Variants in KIF13B observed in about 807,000 individuals in gnomAD.
KIF13B encodes the protein kinesin family member 13B.
Under a neutral mutation model 222.0 loss-of-function variants are expected in KIF13B, and 127 were observed. That is an observed-to-expected ratio of 0.57 (90% CI 0.50 to 0.66). The LOEUF is 0.66. KIF13B is among the 30% of genes least tolerant of loss of function. The pLI, the probability that KIF13B is intolerant of heterozygous loss-of-function variation, is 0.00. For synonymous variants in KIF13B, 976 were observed against 919.0 expected (o/e 1.06, Z -1.12); for missense variants, 2,173 against 2,379.0 (o/e 0.91, Z 1.80).
chr8:29,167,184 A>T (rs1243394382), intron 11 of KIF13B, among the ~76,000 whole-genome samples, 189 bp downstream of exon 11: 1 of 152,200 alleles, frequency 6.6e-6, no homozygotes, highest in Non-Finnish European at 1.5e-5. Context: ...TAACATCTGT[A>T]AAACCTCTTT....
chr8:29,165,638 G>T, intron 12 of KIF13B, 24 bp downstream of exon 12: 2 of 1,468,854 alleles, frequency 1.4e-6, no homozygotes, highest in Non-Finnish European at 1.9e-6. Context: ...GGTTTCATGC[G>T]CTTCATCATC....
chr8:29,140,854 G>C (rs1163692747), intron 19 of KIF13B: 1 of 392,940 alleles, frequency 2.5e-6, no homozygotes, highest in Non-Finnish European at 4.5e-6. Flanking sequence ...ACCCATGACA[G>C]AGCGATCCCA....
intron 7 of KIF13B, among the ~76,000 whole-genome samples, chr8:29,181,564 A>G (rs1300456729): frequency 6.6e-6 from 1 of 152,248 alleles, no homozygotes; most frequent in Non-Finnish European, 1.5e-5. Flanking sequence ...AAAATTCACC[A>G]TGATACATAA....
rs1449409451 is a variant in KIF13B, at chr8:29,160,567, GA to G, written c.1404+165del. On this transcript the variant is annotated intron_variant, in intron 13 of 39. Coordinates refer to ENST00000524189, the MANE Select transcript of KIF13B (RefSeq NM_015254.4). ...TATCATTTTTTTATATTGTCAGGTT[GA>G]ATGGCATCAAAGACTAAAAAAGAAA... 2.5e-3 allele frequency among the ~76,000 whole-genome samples: 385 copies of G among 152,242 alleles called. 5 individuals carry two copies. The highest frequency in any genetic ancestry group is 8.8e-3 in the African/African-American group (366 of 41,528).
chr8:29,101,869 C>T (rs925713213), intron 35 of KIF13B, among the ~76,000 whole-genome samples: 10 of 152,140 alleles, frequency 6.6e-5, no homozygotes, highest in Admixed American at 4.6e-4. Flanking sequence ...CTCCAGCTGA[C>T]GCCTACGAAT....
rs147822773 is a variant in KIF13B, at chr8:29,122,662, C to A, written c.3480-16G>T. ...TACTGGGGTCCTAAAACGGGAAGAA[C>A]AAATGGCATCTGCCTCAGGTTACTT... On this transcript the variant is annotated splice_polypyrimidine_tract_variant and intron_variant, in intron 28 of 39. Transcript: ENST00000524189. The A allele has an allele frequency of 1.9e-6, 3 of 1,598,622 alleles. No homozygotes were observed. The highest frequency in any genetic ancestry group is 2.6e-6 in the Non-Finnish European group (3 of 1,171,270).
chr8:29,110,025 C>T lies in KIF13B; in HGVS notation c.3976G>A (p.Ala1326Thr), dbSNP rs772114436. 1.3e-6 allele frequency: 2 copies of T among 1,588,848 alleles called. No homozygotes were observed. The highest frequency in any genetic ancestry group is 1.7e-6 in the Non-Finnish European group (2 of 1,167,072). Residue 1326 changes from alanine (A) to threonine (T), a missense_variant, in exon 33 of 40, where the codon GCC becomes ACC. By Grantham distance (58) the Ala-to-Thr change is moderately conservative. Transcript: ENST00000524189. ...GCAGAAGCTGGGTTTTCAACATTGG[C>T]TGCCATTCTTGCTAATGCTTCCCGT... is the stretch of plus-strand genomic sequence containing the variant. ...EEREALARMAANVENPASADS... is the reference protein window; with the variant it reads ...EEREALARMATNVENPASADS...
intron 37 of KIF13B, among the ~76,000 whole-genome samples, chr8:29,082,615 G>T (rs1286249650): frequency 6.6e-6 from 1 of 151,578 alleles, no homozygotes; most frequent in Non-Finnish European, 1.5e-5. Context: ...CTCCAGCCTG[G>T]GCAACAGAGC....
chr8:29,087,026 C>T (rs547120130), intron 37 of KIF13B, among the ~76,000 whole-genome samples: 19 of 152,230 alleles, frequency 1.2e-4, no homozygotes, highest in South Asian at 4.1e-4. Context: ...GCCGTAGCCA[C>T]GCCAGTGTGT....
intron 2 of KIF13B, among the ~76,000 whole-genome samples, chr8:29,198,488 A>AT (rs1229379483): frequency 6.6e-6 from 1 of 151,928 alleles, no homozygotes; most frequent in Non-Finnish European, 1.5e-5. Context: ...CGCCCGGCTA[A>AT]TTTTTTGTAT....
chr8:29,157,710 A>G (rs1279697244), intron 13 of KIF13B, among the ~76,000 whole-genome samples: 1 of 152,038 alleles, frequency 6.6e-6, no homozygotes, highest in Non-Finnish European at 1.5e-5. Flanking sequence ...GTCTCAATAA[A>G]TAAATAAATA....
At chr8:29,257,480 T>C (rs1044824625) in intron 1 of KIF13B, among the ~76,000 whole-genome samples, 25 of 152,224 alleles carry the variant, frequency 1.6e-4, no homozygotes, top group African/African-American at 5.5e-4. Context: ...TTTCTTCCAT[T>C]TTCAGCACTT....
intron 21 of KIF13B, among the ~76,000 whole-genome samples, chr8:29,139,430 C>G (rs980150034): frequency 6.6e-6 from 1 of 152,106 alleles, no homozygotes; most frequent in Non-Finnish European, 1.5e-5. Context: ...GCTCTGAAAT[C>G]AAGTACAATA....
intron 2 of KIF13B, among the ~76,000 whole-genome samples, chr8:29,205,585 C>T (rs1813894987): frequency 6.6e-6 from 1 of 152,172 alleles, no homozygotes; most frequent in Non-Finnish European, 1.5e-5. Context: ...CTACACACCC[C>T]ATTACATAAT....
intron 2 of KIF13B, among the ~76,000 whole-genome samples, chr8:29,226,262 C>G (rs574063731): frequency 6.6e-6 from 1 of 152,074 alleles, no homozygotes; most frequent in African/African-American, 2.4e-5. Context: ...ACATGACTGT[C>G]TGGCATGAAA....
chr8:29,246,606 T>A (rs1473504032), intron 1 of KIF13B, among the ~76,000 whole-genome samples: 1 of 151,962 alleles, frequency 6.6e-6, no homozygotes, highest in Non-Finnish European at 1.5e-5. Context: ...ACCAACAAGG[T>A]CTGACAATAC....
chr8:29,218,286 G>A (rs1002778641), intron 2 of KIF13B, among the ~76,000 whole-genome samples: 3 of 152,148 alleles, frequency 2.0e-5, no homozygotes, highest in Non-Finnish European at 2.9e-5. Flanking sequence ...TGAAATCAGA[G>A]CCTAGGAATT....
intron 4 of KIF13B, 151 bp downstream of exon 4, chr8:29,190,846 A>T: frequency 1.4e-6 from 1 of 729,708 alleles, no homozygotes; most frequent in Non-Finnish European, 2.5e-6. Flanking sequence ...TGGTCACATT[A>T]AGTCATCTTC....
chr8:29,113,669 G>T (rs1370227073), intron 31 of KIF13B, 114 bp from the exon 32 acceptor site: 1 of 702,678 alleles, frequency 1.4e-6, no homozygotes, highest in African/African-American at 1.8e-5. Flanking sequence ...AACAGAGCAG[G>T]TTTCCAACAT....
Sources: gnomAD v4.1 joint callset for allele counts (sites outside exome capture counted in the v4.1 genomes callset) on GRCh38, gnomAD v4.1.1 for gene constraint, MANE v1.5 for transcripts, NCBI Gene and HGNC (gene_info 2026-07-23, HGNC 2026-07-21) for gene names.